CLDN16: variants seen among roughly 807,000 people sequenced by gnomAD.
CLDN16 encodes the protein claudin 16.
In CLDN16, 13 loss-of-function variants were observed where a neutral mutation model predicts 24.6. That is an observed-to-expected ratio of 0.53 (90% CI 0.34 to 0.84). CLDN16 has a LOEUF of 0.84. CLDN16 is among the 40% of genes least tolerant of loss of function. The pLI, the probability that CLDN16 is intolerant of heterozygous loss-of-function variation, is 0.01. For synonymous variants in CLDN16, 116 were observed against 106.7 expected (o/e 1.09, Z -0.54); for missense variants, 298 against 292.7 (o/e 1.02, Z -0.13).
intron 1 of CLDN16, among the ~76,000 whole-genome samples, chr3:190,352,155 A>T (rs6767446): frequency 0.19 from 28,626 of 149,490 alleles, 2,868 homozygotes; most frequent in East Asian, 0.3. Flanking sequence ...TTTTTTTTTT[A>T]AAAAAAGACA....
chr3:190,408,838 T>C (rs1290130075), intron 4 of CLDN16, among the ~76,000 whole-genome samples: 1 of 147,696 alleles, frequency 6.8e-6, no homozygotes, highest in African/African-American at 2.5e-5. Context: ...ATATACTATA[T>C]ACATATATAT....
chr3:190,372,479 C>CG (rs1718163701), intron 2 of CLDN16, among the ~76,000 whole-genome samples: 1 of 151,742 alleles, frequency 6.6e-6, no homozygotes, highest in Admixed American at 6.6e-5. Context: ...CCCCTTCCCC[C>CG]CCAAAATAAA....
At chr3:190,317,836 T>C (rs1716811661), upstream of CLDN16, among the ~76,000 whole-genome samples, 1 of 152,220 alleles carries the variant, frequency 6.6e-6, no homozygotes, top group Non-Finnish European at 1.5e-5. Context: ...GAAATCCACC[T>C]ATAAGTGGAC....
Position 190,323,003 on chromosome 3 carries a change from T to TACACACACACACACACACACACACAC in CLDN16, n.121+367_121+368insCACACACACACACACACACACACACA, listed in dbSNP as rs147722582. Reference sequence around the variant, plus strand: ...AACAGACCCAGAGAGCAACATGATTTACACACACACACACACACACACACA... The same window carrying TACACACACACACACACACACACACAC: ...AACAGACCCAGAGAGCAACATGATTTACACACACACACACACACACACACACACACACACACACACACACACACACA... On this transcript the variant is annotated intron_variant and non_coding_transcript_variant, in intron 1 of 4. Coordinates refer to the CLDN16 transcript ENST00000468220. 2.1e-3 allele frequency among the ~76,000 whole-genome samples: 303 copies of TACACACACACACACACACACACACAC among 144,598 alleles called. 5 individuals are homozygous for TACACACACACACACACACACACACAC. Among genetic ancestry groups the TACACACACACACACACACACACACAC allele is most frequent in the African/African-American group, 3.6e-3 (138 of 38,316 alleles). 94.9% of individuals were successfully genotyped at this position (144,598 alleles called of 152,430 possible).
chr3:190,369,617 A>T (rs4687138), intron 1 of CLDN16, among the ~76,000 whole-genome samples: 134,685 of 151,992 alleles, frequency 0.89, 59,706 homozygotes, highest in East Asian at 0.94. Flanking sequence ...GAAAAATGAA[A>T]CTTTACTAGT....
intron 3 of CLDN16, among the ~76,000 whole-genome samples, chr3:190,382,531 G>C (rs1718391641): frequency 6.6e-6 from 1 of 152,024 alleles, no homozygotes; most frequent in Non-Finnish European, 1.5e-5. Context: ...GAATTTTGTA[G>C]GTAACATTTG....
chr3:190,368,616 G>A (rs763345792), intron 1 of CLDN16, among the ~76,000 whole-genome samples: 4 of 151,918 alleles, frequency 2.6e-5, no homozygotes, highest in East Asian at 1.9e-4. Flanking sequence ...ACTTAAGTTC[G>A]TCAATTCAGA....
intron 1 of CLDN16, among the ~76,000 whole-genome samples, chr3:190,340,751 A>G (rs2108629125): frequency 6.6e-6 from 1 of 152,306 alleles, no homozygotes; most frequent in African/African-American, 2.4e-5. Flanking sequence ...CATCTGAGAC[A>G]AGGCAAGCCC....
At chr3:190,304,851 T>C in the CLDN16 span, among the ~76,000 whole-genome samples, 6 of 152,010 alleles carry the variant, frequency 3.9e-5, no homozygotes. Context: ...TCTGGGCAAA[T>C]ATAGAAAGTG....
chr3:190,380,168 TCCTC>T (rs1718334881), intron 3 of CLDN16, among the ~76,000 whole-genome samples: 2 of 139,684 alleles, frequency 1.4e-5, no homozygotes, highest in African/African-American at 5.1e-5. Flanking sequence ...CTTCCTTCCT[TCCTC>T]CCTTCCTTCC....
chr3:190,351,206 A>G (rs1308975711), intron 1 of CLDN16, among the ~76,000 whole-genome samples: 1 of 151,988 alleles, frequency 6.6e-6, no homozygotes, highest in Non-Finnish European at 1.5e-5. Context: ...CCCTCACCAG[A>G]AGCACAGGCT....
chr3:190,399,825 G>A (rs950987033), intron 1 of CLDN16, among the ~76,000 whole-genome samples: 1 of 152,134 alleles, frequency 6.6e-6, no homozygotes, highest in Non-Finnish European at 1.5e-5. Flanking sequence ...GCAGTGGGAG[G>A]TGAGCAGTGA....
At chr3:190,352,154 T>A (rs191635007) in intron 1 of CLDN16, among the ~76,000 whole-genome samples, 3,029 of 151,068 alleles carry the variant, frequency 0.02, 85 homozygotes, top group African/African-American at 0.057. Context: ...TTTTTTTTTT[T>A]AAAAAAAGAC....
Position 190,380,240 on chromosome 3 carries a change from C to CCCTCCCTCCCTTCCTTCCTTCCTTCCTT in CLDN16, n.306+5640_306+5641insCCCTCCCTTCCTTCCTTCCTTCCTTCCT. Among the ~76,000 whole-genome samples the CCCTCCCTCCCTTCCTTCCTTCCTTCCTT allele has an allele frequency of 7.7e-4, 37 of 47,882 alleles. 6 individuals carry two copies. The highest frequency in any genetic ancestry group is 1.7e-3 in the South Asian group (2 of 1,204). 31.4% of individuals were successfully genotyped at this position (47,882 alleles called of 152,430 possible). A position where few individuals can be genotyped will look rare whatever the true frequency, so the allele number is the denominator to read the frequency against. Reference sequence around the variant, plus strand: ...CCTTCCTTCCTTTTCTTCCTTCCCTCCCTTCCTTCCTTCCTTTCTTCCTTC... The same window carrying CCCTCCCTCCCTTCCTTCCTTCCTTCCTT: ...CCTTCCTTCCTTTTCTTCCTTCCCTCCCTCCCTCCCTTCCTTCCTTCCTTCCTTCCTTCCTTCCTTCCTTTCTTCCTTC... On this transcript the variant is annotated intron_variant and non_coding_transcript_variant, in intron 3 of 4. Coordinates refer to the CLDN16 transcript ENST00000468220.
At chr3:190,393,768 T>A (rs1182717422) in intron 1 of CLDN16, among the ~76,000 whole-genome samples, 11 of 133,552 alleles carry the variant, frequency 8.2e-5, no homozygotes, top group East Asian at 4.6e-4. Context: ...TTTTTTTTTT[T>A]AAATCAGAAT....
upstream of CLDN16, among the ~76,000 whole-genome samples, chr3:190,383,151 A>G (rs913478320): frequency 6.6e-6 from 1 of 152,108 alleles, no homozygotes; most frequent in Admixed American, 6.6e-5. Context: ...TGGACCAGCT[A>G]TCTCTCTCCC....
intron 1 of CLDN16, among the ~76,000 whole-genome samples, chr3:190,338,974 A>G (rs1717370829): frequency 6.6e-6 from 1 of 152,170 alleles, no homozygotes; most frequent in South Asian, 2.1e-4. Context: ...GATTGAAGCT[A>G]CCTCACCCAG....
At chr3:190,321,955 C>A (rs762067232), upstream of CLDN16, 1 of 1,591,278 alleles carries the variant, frequency 6.3e-7, no homozygotes, top group Non-Finnish European at 8.6e-7. Flanking sequence ...GGCCTCTGGA[C>A]GGCCGCTGTG....
At chr3:190,317,424 C>G in the CLDN16 span, among the ~76,000 whole-genome samples, 1 of 152,090 alleles carries the variant, frequency 6.6e-6, no homozygotes, top group African/African-American at 2.4e-5. Flanking sequence ...AAAGTAAATA[C>G]TTACAAAGAT....
Sources: gnomAD v4.1 joint callset for allele counts (sites outside exome capture counted in the v4.1 genomes callset) on GRCh38, gnomAD v4.1.1 for gene constraint, MANE v1.5 for transcripts, NCBI Gene and HGNC (gene_info 2026-07-23, HGNC 2026-07-21) for gene names.